The following ATG10 variants were observed in gnomAD, a reference collection of about 807,000 sequenced individuals.
ATG10 encodes the protein autophagy related 10, also known as ubiquitin-like-conjugating enzyme ATG10.
A neutral mutation model predicts 32.1 loss-of-function variants in ATG10; 30 were observed. The observed-to-expected ratio is 0.94, with a 90% CI of 0.70 to 1.27. The LOEUF is 1.27. Among genes scored for constraint, ATG10 ranks in the 50% most tolerant of loss-of-function variants. The probability of loss-of-function intolerance (pLI) is 0.00; values close to 1 mark genes in which losing one functional copy is unlikely to be tolerated. For synonymous variants in ATG10, 87 were observed against 91.5 expected (o/e 0.95, Z 0.28); for missense variants, 233 against 262.3 (o/e 0.89, Z 0.77).
intron 3 of ATG10, among the ~76,000 whole-genome samples, chr5:82,064,156 T>C (rs185797130): frequency 1.1e-4 from 16 of 152,328 alleles, no homozygotes; most frequent in Admixed American, 2.6e-4. Flanking sequence ...ATAAGTTTTA[T>C]AATCTTGTAA....
chr5:82,123,472 A>C (rs1320525192), intron 3 of ATG10, among the ~76,000 whole-genome samples: 2 of 151,970 alleles, frequency 1.3e-5, no homozygotes, highest in African/African-American at 4.8e-5. Context: ...GCATGATATG[A>C]GTTTATCTAT....
intron 3 of ATG10, among the ~76,000 whole-genome samples, chr5:82,103,605 G>A (rs1765350685): frequency 6.6e-6 from 1 of 151,686 alleles, no homozygotes; most frequent in Non-Finnish European, 1.5e-5. Flanking sequence ...ACTCAGTTAT[G>A]AATGTATGCC....
intron 5 of ATG10, among the ~76,000 whole-genome samples, chr5:82,206,152 A>G (rs994893275): frequency 3.9e-5 from 6 of 152,176 alleles, no homozygotes; most frequent in African/African-American, 1.2e-4. Context: ...ATGGAAGTCA[A>G]GAAAGAGAGG....
intron 2 of ATG10, chr5:82,010,079 G>A (rs1221077695): frequency 3.0e-5 from 48 of 1,608,634 alleles, no homozygotes; most frequent in Admixed American, 8.3e-5. Flanking sequence ...CGAAGAACAC[G>A]GTGGGGTTGA....
At chr5:82,083,199 G>T (rs538330715) in intron 3 of ATG10, among the ~76,000 whole-genome samples, 4 of 152,192 alleles carry the variant, frequency 2.6e-5, no homozygotes, top group East Asian at 3.9e-4. Context: ...TGCCTGGCTC[G>T]TAGAATCCCA....
intron 1 of ATG10, among the ~76,000 whole-genome samples, chr5:81,983,536 A>C (rs1761138517): frequency 7.7e-6 from 1 of 130,602 alleles, no homozygotes; most frequent in Admixed American, 7.6e-5. Context: ...TCCCTCCCGG[A>C]TGGGGCCGCT....
chr5:82,136,022 C>G (rs533824544), intron 3 of ATG10, among the ~76,000 whole-genome samples: 1 of 152,230 alleles, frequency 6.6e-6, no homozygotes, highest in African/African-American at 2.4e-5. Flanking sequence ...TCTGTTTTAT[C>G]AGAGACTAAA....
chr5:82,005,004 A>G (rs1236725757), intron 2 of ATG10, among the ~76,000 whole-genome samples: 1 of 152,182 alleles, frequency 6.6e-6, no homozygotes, highest in Non-Finnish European at 1.5e-5. Flanking sequence ...ACTCAAACAA[A>G]TCAACTGTAA....
At chr5:82,182,857 T>C (rs1744286056) in intron 5 of ATG10, among the ~76,000 whole-genome samples, 1 of 152,128 alleles carries the variant, frequency 6.6e-6, no homozygotes, top group South Asian at 2.1e-4. Context: ...GATGTTACCA[T>C]TGGGGGAAAC....
intron 5 of ATG10, among the ~76,000 whole-genome samples, chr5:82,192,674 T>C (rs906869941): frequency 6.6e-6 from 1 of 152,212 alleles, no homozygotes; most frequent in Admixed American, 6.5e-5. Flanking sequence ...TTGCTTAGCA[T>C]TGTGGGGCAC....
chr5:82,012,127 T>A (rs543011755), intron 2 of ATG10, among the ~76,000 whole-genome samples: 1 of 152,338 alleles, frequency 6.6e-6, no homozygotes, highest in African/African-American at 2.4e-5. Context: ...ACCACCATAC[T>A]GACCCTCTGG....
intron 5 of ATG10, among the ~76,000 whole-genome samples, chr5:82,179,444 T>C (rs1326218247): frequency 6.6e-6 from 1 of 152,162 alleles, no homozygotes; most frequent in Non-Finnish European, 1.5e-5. Context: ...ACAGTTTTAC[T>C]CATAAATACA....
intron 5 of ATG10, among the ~76,000 whole-genome samples, chr5:82,188,243 C>T (rs1581784284): frequency 6.6e-6 from 1 of 152,140 alleles, no homozygotes; most frequent in East Asian, 1.9e-4. Flanking sequence ...ATAATAAAAA[C>T]AAGAGGCTGG....
intron 5 of ATG10, among the ~76,000 whole-genome samples, chr5:82,251,790 C>T (rs1338245857): frequency 6.6e-6 from 1 of 152,144 alleles, no homozygotes; most frequent in African/African-American, 2.4e-5. Context: ...TCCTAGGGCT[C>T]CCCATTGCTT....
chr5:82,122,226 T>G (rs1766072249), intron 3 of ATG10, among the ~76,000 whole-genome samples: 1 of 152,134 alleles, frequency 6.6e-6, no homozygotes. Context: ...GGAGGGTATA[T>G]GATCTTTGAC....
At chr5:82,030,357 TA>T (rs1762711192) in intron 2 of ATG10, among the ~76,000 whole-genome samples, 1 of 152,108 alleles carries the variant, frequency 6.6e-6, no homozygotes, top group Admixed American at 6.6e-5. Flanking sequence ...TAAAATAAAA[TA>T]AAAAATTTTG....
At chr5:82,150,235 GTT>G (rs540890795) in intron 3 of ATG10, among the ~76,000 whole-genome samples, 2 of 141,862 alleles carry the variant, frequency 1.4e-5, no homozygotes, top group African/African-American at 2.6e-5. Context: ...TTCTGGAGTT[GTT>G]TTTTTTTTTT....
intron 3 of ATG10, among the ~76,000 whole-genome samples, chr5:82,159,635 A>G (rs1337520707): frequency 2.6e-5 from 4 of 152,076 alleles, no homozygotes; most frequent in Non-Finnish European, 5.9e-5. Context: ...CCCATCTAAC[A>G]ATCTCAGCCA....
intron 5 of ATG10, among the ~76,000 whole-genome samples, chr5:82,215,128 AC>A (rs1745626944): frequency 6.6e-6 from 1 of 152,166 alleles, no homozygotes; most frequent in African/African-American, 2.4e-5. Flanking sequence ...CACTGGGCTG[AC>A]GTCATCTCAA....
Sources: allele counts gnomAD v4.1 joint callset (sites outside exome capture counted in the v4.1 genomes callset), GRCh38; gene constraint gnomAD v4.1.1; transcripts MANE v1.5; gene names NCBI Gene and HGNC (gene_info 2026-07-23, HGNC 2026-07-21).